KDM2B: variants seen among roughly 807,000 people sequenced by gnomAD.
KDM2B encodes lysine demethylase 2B, also known as lysine-specific demethylase 2B.
In KDM2B, 26 loss-of-function variants were observed where a neutral mutation model predicts 150.0. The ratio of observed to expected loss-of-function variants is 0.17; its 90% CI spans 0.13 to 0.24. The LOEUF (loss-of-function observed/expected upper bound fraction) is 0.24. Ranked by LOEUF, KDM2B falls within the 10% of genes least tolerant of loss-of-function variation. The pLI is 1.00. For missense variants in KDM2B, 1,265 were observed against 1,816.9 expected, an observed-to-expected ratio of 0.70 and a Z score of 5.52; for synonymous variants, 734 against 729.5, an observed-to-expected ratio of 1.01 and a Z score of -0.10.
rs556494382 is a variant in KDM2B, at chr12:121,521,793, G to A, written c.932-693C>T. Among the ~76,000 whole-genome samples the A allele has an allele frequency of 2.0e-5, 3 of 152,246 alleles. No individual in the cohort carries two copies. Among genetic ancestry groups the A allele is most frequent in the Non-Finnish European group, 2.9e-5 (2 of 68,026 alleles). On this transcript the variant is annotated intron_variant, in intron 8 of 22. Transcript: ENST00000377071. This position sits in a 1 kb window ranked among gnomAD's most constrained non-coding sequence, Gnocchi z 4.9. Reference sequence around the variant, plus strand: ...TCTCCAAACTCCTAGCCTGGAGCCAGACACAGTCACCATCACAAGGGAAAC... The same window carrying A: ...TCTCCAAACTCCTAGCCTGGAGCCAAACACAGTCACCATCACAAGGGAAAC...
rs138463244 is a variant in KDM2B at position 121,541,346 on chromosome 12, T to C, written c.684-6756A>G. Among the ~76,000 whole-genome samples, 921 of 133,414 alleles carry C rather than the reference T, an allele frequency of 6.9e-3. 16 individuals carry two copies. Among genetic ancestry groups the C allele is most frequent in the South Asian group, 0.044 (192 of 4,392 alleles). The allele number at this position is 133,414 out of a possible 152,430, so 87.5% of individuals were successfully genotyped here. On this transcript the variant is annotated intron_variant, in intron 6 of 22. Transcript: ENST00000377071. ...AGGACTCTGAGGCTGCAATGAACTG[T>C]GATTGTGCCACTGCACTGAAGCCTT... is the stretch of plus-strand genomic sequence containing the variant.
At chr12:121,516,867 GAAAAAA>G (rs11433051) in intron 9 of KDM2B, 6 of 553,920 alleles carry the variant, frequency 1.1e-5, no homozygotes, top group South Asian at 6.2e-5. Context: ...TTTTCTCCTG[GAAAAAA>G]AAAAAAAAAA....
chr12:121,420,420 A>G, the KDM2B span: 3 of 1,551,648 alleles, frequency 1.9e-6, no homozygotes, highest in South Asian at 3.6e-5. Flanking sequence ...CTAGATTAGT[A>G]CAGGATGTTT....
intron 4 of KDM2B, among the ~76,000 whole-genome samples, chr12:121,558,796 G>A (rs1434920235): frequency 1.3e-5 from 2 of 152,052 alleles, no homozygotes; most frequent in African/African-American, 4.8e-5. Context: ...TAGCCATGTT[G>A]GCCAGGATGG....
At chr12:121,478,485 G>C (rs1555297200) in intron 12 of KDM2B, among the ~76,000 whole-genome samples, 1 of 147,688 alleles carries the variant, frequency 6.8e-6, no homozygotes, top group Admixed American at 6.8e-5. Context: ...TCAGCCTCCC[G>C]AGTAGCTGAG....
chr12:121,440,602 A>T, intron 21 of KDM2B: 1 of 541,046 alleles, frequency 1.8e-6, no homozygotes. Context: ...AAGCAGAGAG[A>T]CGCACGCGGA....
chr12:121,520,871 T>G lies in KDM2B; in HGVS notation c.1047+114A>C. On this transcript the variant is annotated intron_variant, in intron 9 of 22. Coordinates refer to ENST00000377071, the MANE Select transcript of KDM2B (RefSeq NM_032590.5). The surrounding 1 kb of genome is among the most constrained non-coding windows in gnomAD (Gnocchi z 4.5). ...GACTGAAGCCAGCTTGAGAGAGGAA[T>G]CGGGAGGGAGAGGGGAACTGTGGAG... 2.2e-6 allele frequency: 1 copy of G among 449,838 alleles called. No individual in the cohort carries two copies. Among genetic ancestry groups the G allele is most frequent in the South Asian group, 2.0e-5 (1 of 50,900 alleles). 27.9% of individuals were successfully genotyped at this position (449,838 alleles called of 1,614,324 possible). A position where few individuals can be genotyped will look rare whatever the true frequency, so the allele number is the denominator to read the frequency against.
intron 6 of KDM2B, among the ~76,000 whole-genome samples, chr12:121,536,460 C>T (rs1888106526): frequency 6.6e-6 from 1 of 152,194 alleles, no homozygotes; most frequent in Non-Finnish European, 1.5e-5. Context: ...ACTCTGGGCT[C>T]CACACCGTCC....
intron 12 of KDM2B, among the ~76,000 whole-genome samples, chr12:121,488,482 G>C (rs1414636222): frequency 6.6e-6 from 1 of 152,174 alleles, no homozygotes; most frequent in Non-Finnish European, 1.5e-5. Context: ...AGTAAACTGA[G>C]GCTGAGACTT....
intron 22 of KDM2B, among the ~76,000 whole-genome samples, chr12:121,437,102 G>A (rs1438996315): frequency 6.6e-6 from 1 of 152,148 alleles, no homozygotes; most frequent in Non-Finnish European, 1.5e-5. Context: ...GACCAAAGGA[G>A]TCCAGGATGG....
chr12:121,548,577 C>A (rs557556650), intron 6 of KDM2B, among the ~76,000 whole-genome samples: 1 of 152,202 alleles, frequency 6.6e-6, no homozygotes, highest in African/African-American at 2.4e-5. Flanking sequence ...TGTGCCCTTG[C>A]GTACAGACAC....
rs141871235 is a variant in KDM2B at position 121,522,482 on chromosome 12, C to A, written c.932-1382G>T. 1.7e-3 allele frequency among the ~76,000 whole-genome samples: 262 copies of A among 150,728 alleles called. 2 individuals carry two copies. Among genetic ancestry groups the A allele is most frequent in the East Asian group, 0.014 (71 of 5,112 alleles). ...TGAGCCGAGATCGCACCATTGCACT[C>A]CAGCCTGGGCAACAAGAGTGAAACT... On this transcript the variant is annotated intron_variant, in intron 8 of 22. Transcript: ENST00000377071.
chr12:121,506,041 G>T (rs1277361159), intron 11 of KDM2B, among the ~76,000 whole-genome samples: 2 of 150,746 alleles, frequency 1.3e-5, no homozygotes, highest in Non-Finnish European at 3.0e-5. Flanking sequence ...ACAGGGTCTT[G>T]TTCTGTCTCC....
intron 12 of KDM2B, among the ~76,000 whole-genome samples, chr12:121,459,486 T>C (rs996035077): frequency 1.3e-5 from 2 of 151,870 alleles, no homozygotes; most frequent in Non-Finnish European, 2.9e-5. Context: ...TTCTCTGATA[T>C]GACACCAAAA....
chr12:121,498,384 A>T (rs1593955961), intron 11 of KDM2B, among the ~76,000 whole-genome samples: 2 of 152,192 alleles, frequency 1.3e-5, no homozygotes, highest in East Asian at 3.8e-4. Flanking sequence ...TGGCCCATTT[A>T]AAAAGGGGCA....
chr12:121,428,897 C>A (rs562514702), downstream of KDM2B, among the ~76,000 whole-genome samples: 5 of 152,318 alleles, frequency 3.3e-5, no homozygotes, highest in African/African-American at 9.6e-5. Context: ...GGAATTAATT[C>A]TGTGTGGTAA....
chr12:121,452,969 G>A lies in KDM2B; in HGVS notation c.1959+151C>T. ...GGCCTGAGCCTGCGAAGCGGCCAGC[G>A]CCTTCCCGTCCACAGGAAGAGCTCT... On this transcript the variant is annotated intron_variant, in intron 13 of 22. Coordinates refer to ENST00000377071, the MANE Select transcript of KDM2B (RefSeq NM_032590.5). The surrounding 1 kb of genome is among the most constrained non-coding windows in gnomAD (Gnocchi z 4.4). The A allele has an allele frequency of 1.4e-6, 1 of 721,710 alleles. No homozygotes were observed. The highest frequency in any genetic ancestry group is 1.9e-5 in the South Asian group (1 of 51,782). 44.7% of individuals were successfully genotyped at this position (721,710 alleles called of 1,614,324 possible). A position where few individuals can be genotyped will look rare whatever the true frequency, so the allele number is the denominator to read the frequency against.
chr12:121,449,021 G>T (rs1309977731), intron 13 of KDM2B, among the ~76,000 whole-genome samples: 1 of 152,220 alleles, frequency 6.6e-6, no homozygotes, highest in African/African-American at 2.4e-5. Context: ...GGCCAAAGGG[G>T]ACGTCTGGGG....
chr12:121,470,108 A>ATGG lies in KDM2B; in HGVS notation c.1735-16765_1735-16764insCCA, dbSNP rs1555295710. On this transcript the variant is annotated intron_variant, in intron 12 of 22. Transcript: ENST00000377071. The stretch of plus-strand genomic sequence containing the variant: ...TGATATTCTGTCTCAAAAAAAAAAA[A>ATGG]AAAGGAGAGAGAGAGAGATGTCTGT... 4.6e-5 allele frequency: 7 copies of ATGG among 151,360 alleles called. No homozygotes were observed. The East Asian group carries it at 1.4e-3, about 29-fold the overall frequency. 9.4% of individuals were successfully genotyped at this position (151,360 alleles called of 1,614,324 possible). A position where few individuals can be genotyped will look rare whatever the true frequency, so the allele number is the denominator to read the frequency against.
Sources: allele counts gnomAD v4.1 joint callset (sites outside exome capture counted in the v4.1 genomes callset), GRCh38; gene constraint gnomAD v4.1.1; non-coding constraint Gnocchi (gnomAD v3.1); transcripts MANE v1.5; gene names NCBI Gene and HGNC (gene_info 2026-07-23, HGNC 2026-07-21).